The following WDR25 variants were observed in gnomAD, a reference collection of about 807,000 sequenced individuals.
WDR25 encodes the protein WD repeat domain 25.
In WDR25, 35 loss-of-function variants were observed where a neutral mutation model predicts 47.7. The observed-to-expected ratio is 0.73, with a 90% CI of 0.56 to 0.97. The LOEUF (loss-of-function observed/expected upper bound fraction) is 0.97. Ranked by LOEUF, WDR25 falls within the 50% of genes least tolerant of loss-of-function variation. WDR25 has a pLI of 0.00. For missense variants in WDR25, 634 were observed against 704.7 expected, an observed-to-expected ratio of 0.90 and a Z score of 1.14; for synonymous variants, 248 against 278.9, an observed-to-expected ratio of 0.89 and a Z score of 1.10.
chr14:100,388,700 A>G (rs1008733089), intron 2 of WDR25, among the ~76,000 whole-genome samples: 2 of 152,256 alleles, frequency 1.3e-5, no homozygotes, highest in African/African-American at 4.8e-5. Flanking sequence ...ACAATCTTGT[A>G]TCTTACAGAA....
In WDR25 at chr14:100,454,546, G is replaced by A; in HGVS notation, c.823-13475G>A. ...AGCAACAACAACAAAACTACCTGAA[G>A]GTATTGGAGAGCAAAAAAAAGCAGG... On this transcript the variant is annotated intron_variant, in intron 2 of 6. Transcript: ENST00000402312. 3.2e-6 allele frequency: 3 copies of A among 936,162 alleles called. No homozygotes were observed. The South Asian group carries it at 4.1e-5, about 13-fold the overall frequency. The allele number at this position is 936,162 out of a possible 1,614,324, so 58.0% of individuals were successfully genotyped here.
chr14:100,430,287 C>T lies in WDR25; in HGVS notation c.823-37734C>T, dbSNP rs747556304. Among the ~76,000 whole-genome samples the T allele has an allele frequency of 2.6e-5, 4 of 152,020 alleles. No homozygotes were observed. Among genetic ancestry groups the T allele is most frequent in the Admixed American group, 2.6e-4 (4 of 15,258 alleles). ...CCTCTGCCCAGCCAGTCAGAGTCAC[C>T]TCCGGACCTCCTGCTTCCTGATCTC... On this transcript the variant is annotated intron_variant, in intron 2 of 6. Transcript: ENST00000402312. The surrounding 1 kb of genome is among the most constrained non-coding windows in gnomAD (Gnocchi z 4.7).
In WDR25 at chr14:100,488,411, G is replaced by A. The variant is rs888693979; in HGVS notation, c.1101+4287G>A. On this transcript the variant is annotated intron_variant, in intron 4 of 6. Transcript: ENST00000402312. The surrounding 1 kb of genome is among the most constrained non-coding windows in gnomAD (Gnocchi z 4.2). ...CAGAAGCCCCTGAGCCTCTAGTGCC[G>A]TTGGCCTGAGCTGCAGGAGACCTGG... Among the ~76,000 whole-genome samples the A allele has an allele frequency of 2.2e-4, 34 of 152,106 alleles. No individual in the cohort carries two copies. Among genetic ancestry groups the A allele is most frequent in the South Asian group, 2.1e-4 (1 of 4,828 alleles).
In WDR25 at chr14:100,529,168, C is replaced by T. The variant is rs1413799988; in HGVS notation, c.1373C>T (p.Pro458Leu). 3 of 1,612,524 alleles carry T rather than the reference C, an allele frequency of 1.9e-6. No individual in the cohort carries two copies. Among genetic ancestry groups the T allele is most frequent in the Non-Finnish European group, 2.5e-6 (3 of 1,178,856 alleles). ...NYLALFSTVW[P>L]YRMSRRRRYE... ...CTGGCCCTTTTCTCCACTGTGTGGC[C>T]CTACCGGATGAGCAGACGGCGGCGC... The change falls in exon 6 of 7, where the codon CCC becomes CTC. Residue 458 changes from proline to leucine, a missense_variant. Physicochemically the swap from Pro to Leu is moderately conservative, Grantham distance 98. Transcript: ENST00000402312. The surrounding 1 kb of genome is among the most constrained non-coding windows in gnomAD (Gnocchi z 5.1).
At chr14:100,503,358 C>T (rs985644508) in intron 4 of WDR25, among the ~76,000 whole-genome samples, 5 of 152,188 alleles carry the variant, frequency 3.3e-5, no homozygotes, top group Admixed American at 2.0e-4. Flanking sequence ...TATTAAAGCG[C>T]GCCATCTTTA....
Position 100,530,139 on chromosome 14 carries a change from G to T in WDR25, c.*98G>T, listed in dbSNP as rs565913554. On this transcript the variant is annotated 3_prime_UTR_variant, in exon 7 of 7. Transcript: ENST00000402312. ...GGAACGAGCACAGAGGTTGGCTGTG[G>T]GTCCTGGGTACCACCTTCTGAGCCT... The T allele has an allele frequency of 1.9e-5, 24 of 1,259,754 alleles. No homozygotes were observed. In the African/African-American group the frequency reaches 2.4e-4, roughly 13 times the overall value. 78.0% of individuals were successfully genotyped at this position (1,259,754 alleles called of 1,614,324 possible).
intron 1 of WDR25, chr14:100,376,730 C>T (rs1896690756): frequency 1.6e-6 from 2 of 1,229,990 alleles, no homozygotes; most frequent in African/African-American, 3.1e-5. Context: ...TTGCTTTCAT[C>T]GCTCTGGGGC....
chr14:100,503,321 G>A (rs191165744), intron 4 of WDR25, among the ~76,000 whole-genome samples: 160 of 152,226 alleles, frequency 1.1e-3, no homozygotes, highest in Non-Finnish European at 2.1e-3. Flanking sequence ...AGGGAAAGGT[G>A]TCCTCCCCCT....
chr14:100,497,557 C>T (rs552478599), intron 4 of WDR25, among the ~76,000 whole-genome samples: 1 of 152,246 alleles, frequency 6.6e-6, no homozygotes, highest in South Asian at 2.1e-4. Context: ...GTTTCTGTCT[C>T]TCTCTCACAA....
chr14:100,506,922 G>A lies in WDR25; in HGVS notation c.1102-18948G>A, dbSNP rs1046255027. ...TGCAGAAGCTCTTTGGTTTAATTAG[G>A]TCCTGCTTGTTAATTTTTGTTTTTA... On this transcript the variant is annotated intron_variant, in intron 4 of 6. Transcript: ENST00000402312. The surrounding 1 kb of genome is among the most constrained non-coding windows in gnomAD (Gnocchi z 4.8). Among the ~76,000 whole-genome samples the A allele has an allele frequency of 8.5e-5, 13 of 152,108 alleles. No homozygotes were observed. The highest frequency in any genetic ancestry group is 3.1e-4 in the African/African-American group (13 of 41,432).
chr14:100,433,355 C>T (rs964997092), intron 2 of WDR25, among the ~76,000 whole-genome samples: 3 of 152,188 alleles, frequency 2.0e-5, no homozygotes, highest in African/African-American at 7.2e-5. Context: ...AGGAGTGTTC[C>T]GGGTGATGCT....
chr14:100,392,502 C>T lies in WDR25; in HGVS notation c.822+10756C>T, dbSNP rs1226001983. Reference sequence around the variant, plus strand: ...AGATGACTCAGCAGCATTACAAAACCATAAGCAAAATCCACCAACTCGACC... The same window carrying T: ...AGATGACTCAGCAGCATTACAAAACTATAAGCAAAATCCACCAACTCGACC... On this transcript the variant is annotated intron_variant, in intron 2 of 6. Transcript: ENST00000402312. The surrounding 1 kb of genome is among the most constrained non-coding windows in gnomAD (Gnocchi z 4.2). Among the ~76,000 whole-genome samples, 2 of 151,974 alleles carry T rather than the reference C, an allele frequency of 1.3e-5. No individual in the cohort carries two copies. The highest frequency in any genetic ancestry group is 2.4e-5 in the African/African-American group (1 of 41,366).
chr14:100,451,923 G>A (rs1057092652), intron 2 of WDR25, among the ~76,000 whole-genome samples: 2 of 152,128 alleles, frequency 1.3e-5, no homozygotes, highest in Non-Finnish European at 2.9e-5. Context: ...AGGGAGGTCC[G>A]CTTTCCAATC....
intron 2 of WDR25, among the ~76,000 whole-genome samples, chr14:100,447,895 C>T (rs575735654): frequency 5.9e-5 from 9 of 152,080 alleles, no homozygotes; most frequent in Non-Finnish European, 1.0e-4. Context: ...TGAGTAACTG[C>T]ACTTTAAAAA....
At chr14:100,394,984 A>G (rs1041076266) in intron 2 of WDR25, among the ~76,000 whole-genome samples, 19 of 152,004 alleles carry the variant, frequency 1.2e-4, no homozygotes, top group African/African-American at 4.6e-4. Flanking sequence ...AACAACAACA[A>G]TGAAATCGAT....
chr14:100,417,207 C>T lies in WDR25; in HGVS notation c.822+35461C>T, dbSNP rs113901734. Among the ~76,000 whole-genome samples, 534 of 152,368 alleles carry T rather than the reference C, an allele frequency of 3.5e-3. 7 individuals carry two copies. The highest frequency in any genetic ancestry group is 0.012 in the African/African-American group (517 of 41,592). ...ATGGCCAGAGTCCTCCGCTCATCTC[C>T]TCACCATCTGTTACTTGTGCGTGTC... On this transcript the variant is annotated intron_variant, in intron 2 of 6. Coordinates refer to ENST00000402312, the MANE Select transcript of WDR25 (RefSeq NM_001161476.3).
At position 100,502,452 on chromosome 14, in the gene WDR25, C is replaced by T. The variant is rs921357097; in HGVS notation, c.1101+18328C>T. 1.3e-5 allele frequency among the ~76,000 whole-genome samples: 2 copies of T among 152,232 alleles called. No individual in the cohort carries two copies. The highest frequency in any genetic ancestry group is 4.8e-5 in the African/African-American group (2 of 41,472). On this transcript the variant is annotated intron_variant, in intron 4 of 6. Coordinates refer to ENST00000402312, the MANE Select transcript of WDR25 (RefSeq NM_001161476.3). The surrounding 1 kb of genome is among the most constrained non-coding windows in gnomAD (Gnocchi z 4.5). ...CTGGGAATGGCTCTGACGAGGCCTT[C>T]CTGCTGCGAGTAGTCAGCTCCCTCT...
intron 4 of WDR25, among the ~76,000 whole-genome samples, chr14:100,494,530 G>A (rs574202045): frequency 6.6e-6 from 1 of 152,338 alleles, no homozygotes; most frequent in Admixed American, 6.5e-5. Flanking sequence ...AAAAGGAACT[G>A]CTATAAAAAG....
chr14:100,526,942 CACCATCTCTAT>C (rs1312914166), intron 5 of WDR25, among the ~76,000 whole-genome samples: 641 of 21,698 alleles, frequency 0.03, 33 homozygotes, highest in East Asian at 0.06. Flanking sequence ...ATCACCACCA[CACCATCTCTAT>C]CACCACCACC....
Sources: allele counts gnomAD v4.1 joint callset (sites outside exome capture counted in the v4.1 genomes callset), GRCh38; gene constraint gnomAD v4.1.1; non-coding constraint Gnocchi (gnomAD v3.1); transcripts MANE v1.5; gene names NCBI Gene and HGNC (gene_info 2026-07-23, HGNC 2026-07-21).